The following PCDHGA5 variants were observed in gnomAD, a reference collection of about 807,000 sequenced individuals.
The protein encoded by PCDHGA5 is protocadherin gamma-A5.
PCDHGA5 carries 36 observed loss-of-function variants against 56.7 expected under a neutral mutation model. That is an observed-to-expected ratio of 0.64 (90% CI 0.49 to 0.84). The LOEUF is 0.84. PCDHGA5 is among the 40% of genes least tolerant of loss of function. PCDHGA5 has a pLI of 0.00. For synonymous variants in PCDHGA5, 563 were observed against 520.2 expected (o/e 1.08, Z -1.12); for missense variants, 1,305 against 1,201.5 (o/e 1.09, Z -1.27).
rs756612454 is a variant in PCDHGA5, at chr5:141,372,732, C to A, written c.2421+5981C>A. On this transcript the variant is annotated intron_variant, in intron 1 of 3. Coordinates refer to ENST00000518069, the MANE Select transcript of PCDHGA5 (RefSeq NM_018918.3). Reference sequence around the variant, plus strand: ...GGCTGAAAATGCTGCACCACAAGATCTTCTATGTGATGAAGCCTCTTGGTT... The same window carrying A: ...GGCTGAAAATGCTGCACCACAAGATATTCTATGTGATGAAGCCTCTTGGTT... 8 of 1,613,376 alleles carry A rather than the reference C, an allele frequency of 5.0e-6. No homozygotes were observed. In the South Asian group the frequency reaches 8.8e-5, roughly 18 times the overall value.
Position 141,415,740 on chromosome 5 carries a change from GTTTTTTTTTTTTTTTTTTT to G in PCDHGA5, c.2421+49003_2421+49021del, listed in dbSNP as rs57426385. ...TGAGTAGAATTTGATGTTTATTAAG[GTTTTTTTTTTTTTTTTTTT>G]TTTTTTTTTTTTTACTTTCTGGTAA... is the stretch of plus-strand genomic sequence containing the variant. On this transcript the variant is annotated intron_variant, in intron 1 of 3. Coordinates refer to ENST00000518069, the MANE Select transcript of PCDHGA5 (RefSeq NM_018918.3). The G allele has an allele frequency of 6.7e-5, 42 of 625,046 alleles. No individual in the cohort carries two copies. In the African/African-American group the frequency reaches 7.3e-4, roughly 11 times the overall value. 38.7% of individuals were successfully genotyped at this position (625,046 alleles called of 1,614,324 possible).
chr5:141,417,613 G>A (rs984573855), intron 1 of PCDHGA5: 2 of 624,312 alleles, frequency 3.2e-6, no homozygotes, highest in African/African-American at 3.7e-5. Flanking sequence ...GTCGGCCAGT[G>A]CAGAGCAAGC....
At chr5:141,472,369 G>A (rs1194465676) in intron 1 of PCDHGA5, among the ~76,000 whole-genome samples, 2 of 151,770 alleles carry the variant, frequency 1.3e-5, no homozygotes, top group Admixed American at 6.6e-5. Flanking sequence ...GTGAAACCCC[G>A]TCTCCACTAA....
chr5:141,371,043 G>A, intron 1 of PCDHGA5: 1 of 1,613,966 alleles, frequency 6.2e-7, no homozygotes, highest in Non-Finnish European at 8.5e-7. Context: ...AGCTGTGGAT[G>A]GGGGCGAGCC....
In PCDHGA5 at chr5:141,431,746, G is replaced by C. The variant is rs780453684; in HGVS notation, c.2422-63061G>C. 6.2e-7 allele frequency: 1 copy of C among 1,614,062 alleles called. No individual in the cohort carries two copies. Among genetic ancestry groups the C allele is most frequent in the African/African-American group, 1.3e-5 (1 of 74,932 alleles). On this transcript the variant is annotated intron_variant, in intron 1 of 3. Transcript: ENST00000518069. The surrounding 1 kb of genome is among the most constrained non-coding windows in gnomAD (Gnocchi z 4.8). ...CAATGGATAATGCAGGATATTCTGC[G>C]CGAGCCAAAGTCCTGATCACTGTTC... is the stretch of plus-strand genomic sequence containing the variant.
intron 1 of PCDHGA5, among the ~76,000 whole-genome samples, chr5:141,446,882 G>A (rs1419213225): frequency 1.3e-5 from 2 of 152,086 alleles, no homozygotes; most frequent in African/African-American, 4.8e-5. Flanking sequence ...TATGTTTTGG[G>A]GTTCATGGCT....
Position 141,486,954 on chromosome 5 carries a change from C to T in PCDHGA5, c.2422-7853C>T, listed in dbSNP as rs764632268. 3.7e-6 allele frequency: 6 copies of T among 1,614,114 alleles called. 1 individual carries two copies. The South Asian group carries it at 6.6e-5, about 18-fold the overall frequency. On this transcript the variant is annotated intron_variant, in intron 1 of 3. Coordinates refer to ENST00000518069, the MANE Select transcript of PCDHGA5 (RefSeq NM_018918.3). The surrounding 1 kb of genome is among the most constrained non-coding windows in gnomAD (Gnocchi z 5.0). ...GCTGGCCACCTAATCACAAAGGTGA[C>T]TGCTGTGGACTTGGATTCAGGTTAC...
intron 1 of PCDHGA5, chr5:141,398,003 A>C: frequency 1.4e-6 from 2 of 1,391,912 alleles, no homozygotes; most frequent in East Asian, 5.0e-5. Context: ...TCCTCGGAAA[A>C]AGAATCGTTT....
In PCDHGA5 at chr5:141,431,321, G is replaced by A. The variant is rs112186927; in HGVS notation, c.2422-63486G>A. The A allele has an allele frequency of 1.2e-6, 2 of 1,613,938 alleles. No individual in the cohort carries two copies. The highest frequency in any genetic ancestry group is 1.3e-5 in the African/African-American group (1 of 74,910). ...CCTCATCGTGCAAAATGGAGCCGAC[G>A]GTAGTAAGTACCCCGAATTGGTGCT... is the stretch of plus-strand genomic sequence containing the variant. On this transcript the variant is annotated intron_variant, in intron 1 of 3. Transcript: ENST00000518069. The surrounding 1 kb of genome is among the most constrained non-coding windows in gnomAD (Gnocchi z 4.8).
At chr5:141,383,356 C>A (rs1046340065) in intron 1 of PCDHGA5, 1 of 1,613,884 alleles carries the variant, frequency 6.2e-7, no homozygotes, top group Non-Finnish European at 8.5e-7. Context: ...GGTTCGGTTT[C>A]CGTTAAGCGA....
rs777670481 is a variant in PCDHGA5, at chr5:141,385,026, C to T, written c.2421+18275C>T. 2.5e-6 allele frequency: 4 copies of T among 1,614,190 alleles called. No homozygotes were observed. The East Asian group carries it at 6.7e-5, about 27-fold the overall frequency. On this transcript the variant is annotated intron_variant, in intron 1 of 3. Coordinates refer to ENST00000518069, the MANE Select transcript of PCDHGA5 (RefSeq NM_018918.3). Reference sequence around the variant, plus strand: ...CCTGCGTCTTCCTAGCCTTCGTCCTCGTACTGCTGGCGCTCAGGCTGCGGC... The same window carrying T: ...CCTGCGTCTTCCTAGCCTTCGTCCTTGTACTGCTGGCGCTCAGGCTGCGGC...
intron 3 of PCDHGA5, among the ~76,000 whole-genome samples, chr5:141,509,066 C>A (rs1215686419): frequency 6.6e-6 from 1 of 152,172 alleles, no homozygotes; most frequent in Non-Finnish European, 1.5e-5. Context: ...GCTCTCAGCT[C>A]CGGGGATTTG....
intron 1 of PCDHGA5, among the ~76,000 whole-genome samples, chr5:141,368,538 C>T (rs1004071983): frequency 6.6e-6 from 1 of 151,336 alleles, no homozygotes; most frequent in Admixed American, 6.6e-5. Context: ...ACTTGCTTTT[C>T]CATTTTTTTT....
intron 2 of PCDHGA5, among the ~76,000 whole-genome samples, chr5:141,498,847 C>T (rs932801278): frequency 1.3e-5 from 2 of 151,856 alleles, no homozygotes; most frequent in Admixed American, 1.3e-4. Flanking sequence ...GCAGGGGAAT[C>T]GCTTGAACCC....
intron 1 of PCDHGA5, chr5:141,410,045 G>A (rs962300160): frequency 1.9e-6 from 3 of 1,613,048 alleles, no homozygotes; most frequent in African/African-American, 1.3e-5. Context: ...CAGTGAGCCC[G>A]GACTCTTCAG....
Position 141,366,389 on chromosome 5 carries a change from C to G in PCDHGA5, c.2059C>G (p.Leu687Val). 6.2e-7 allele frequency: 1 copy of G among 1,614,168 alleles called. No individual in the cohort carries two copies. ...CAAGACCCCCATTGACCCTGAGGATCTGGACCTCACACTCTATCTTGTGGT... is the reference window on the plus strand; with the variant it reads ...CAAGACCCCCATTGACCCTGAGGATGTGGACCTCACACTCTATCTTGTGGT... ...SIKTPIDPED[L>V]DLTLYLVVAV... The change falls in exon 1 of 4, where the codon CTG becomes GTG. Residue 687 changes from leucine to valine, a missense_variant. By Grantham distance (32) the Leu-to-Val change is conservative (BLOSUM62 1). Transcript: ENST00000518069.
rs2099455203 is a variant in PCDHGA5 at position 141,478,427 on chromosome 5, C to T, written c.2422-16380C>T. The T allele has an allele frequency of 1.9e-6, 3 of 1,613,742 alleles. No individual in the cohort carries two copies. Among genetic ancestry groups the T allele is most frequent in the Non-Finnish European group, 2.5e-6 (3 of 1,180,014 alleles). On this transcript the variant is annotated intron_variant, in intron 1 of 3. Coordinates refer to ENST00000518069, the MANE Select transcript of PCDHGA5 (RefSeq NM_018918.3). ...CACCACGGACTCCCGCCGCAGCGAC[C>T]CGCTGCTGAAGAAACCTGGTGCAGC...
chr5:141,420,308 T>C (rs1486910909), intron 1 of PCDHGA5: 3 of 1,457,838 alleles, frequency 2.1e-6, no homozygotes, highest in Non-Finnish European at 9.2e-7. Context: ...ATCCTTTTTA[T>C]ATTACAATAT....
chr5:141,434,650 C>A (rs931043426), intron 1 of PCDHGA5, among the ~76,000 whole-genome samples: 6 of 152,092 alleles, frequency 3.9e-5, no homozygotes, highest in Non-Finnish European at 5.9e-5. Context: ...TTTAGTTAAT[C>A]TAATATCTAT....
Sources: gnomAD v4.1 joint callset for allele counts (sites outside exome capture counted in the v4.1 genomes callset) on GRCh38, gnomAD v4.1.1 for gene constraint, Gnocchi (gnomAD v3.1) non-coding constraint, MANE v1.5 for transcripts, NCBI Gene and HGNC (gene_info 2026-07-23, HGNC 2026-07-21) for gene names.